DPYD: variants seen among roughly 807,000 people sequenced by gnomAD.
DPYD encodes the protein dihydropyrimidine dehydrogenase [NADP(+)].
A neutral mutation model predicts 116.2 loss-of-function variants in DPYD; 109 were observed. That is an observed-to-expected ratio of 0.94 (90% CI 0.80 to 1.10). DPYD has a LOEUF of 1.10. Ranked by LOEUF, DPYD falls within the 50% of genes least tolerant of loss-of-function variation. DPYD has a pLI of 0.00. For synonymous variants in DPYD, 440 were observed against 432.0 expected, an observed-to-expected ratio of 1.02 and a Z score of -0.23; for missense variants, 1,302 against 1,254.5, an observed-to-expected ratio of 1.04 and a Z score of -0.57.
At chr1:97,697,544 G>A (rs1184123413) in intron 6 of DPYD, among the ~76,000 whole-genome samples, 1 of 151,770 alleles carries the variant, frequency 6.6e-6, no homozygotes, top group Non-Finnish European at 1.5e-5. Flanking sequence ...CTGTACCATG[G>A]GACAGTACAA....
intron 19 of DPYD, among the ~76,000 whole-genome samples, chr1:97,214,001 A>G (rs557274988): frequency 1.2e-4 from 19 of 152,254 alleles, no homozygotes; most frequent in South Asian, 1.2e-3. Flanking sequence ...GATGTTTTGC[A>G]TGCATGCTTG....
chr1:97,905,043 T>G (rs1361772915), intron 1 of DPYD, among the ~76,000 whole-genome samples: 1 of 152,032 alleles, frequency 6.6e-6, no homozygotes, highest in African/African-American at 2.4e-5. Context: ...AAGCCCAATA[T>G]ATGTTTTTAT....
intron 15 of DPYD, 59 bp downstream of exon 15, chr1:97,382,334 A>G (rs188777306): frequency 1.9e-6 from 2 of 1,056,790 alleles, no homozygotes; most frequent in Non-Finnish European, 2.7e-6. Flanking sequence ...CTCTTTATTT[A>G]AAACTAATAA....
At chr1:97,339,553 C>A (rs780376454) in intron 16 of DPYD, among the ~76,000 whole-genome samples, 8 of 152,116 alleles carry the variant, frequency 5.3e-5, no homozygotes, top group Non-Finnish European at 1.2e-4. Flanking sequence ...AAAAAAGGCA[C>A]AATGGTTTTC....
At chr1:97,296,599 GATAAAGT>G (rs1310920604) in intron 18 of DPYD, among the ~76,000 whole-genome samples, 3 of 151,892 alleles carry the variant, frequency 2.0e-5, no homozygotes, top group African/African-American at 7.2e-5. Flanking sequence ...ATGCTGTTTT[GATAAAGT>G]ATAAATTATA....
intron 19 of DPYD, among the ~76,000 whole-genome samples, chr1:97,215,398 T>C (rs1477846361): frequency 2.0e-5 from 3 of 152,192 alleles, no homozygotes; most frequent in South Asian, 2.1e-4. Context: ...ACCTGTCCAG[T>C]AGCTTCTGGA....
intron 20 of DPYD, among the ~76,000 whole-genome samples, chr1:97,162,370 C>A (rs1056943783): frequency 7.9e-5 from 12 of 152,218 alleles, no homozygotes; most frequent in African/African-American, 2.4e-4. Flanking sequence ...TGAGTGAACT[C>A]CCATTCACAA....
intron 18 of DPYD, among the ~76,000 whole-genome samples, chr1:97,244,089 C>T (rs1382266128): frequency 6.6e-6 from 1 of 151,914 alleles, no homozygotes; most frequent in African/African-American, 2.4e-5. Context: ...AAATATATGG[C>T]ATTTACTAGG....
chr1:97,306,169 G>A lies in DPYD; in HGVS notation c.2179+8C>T, dbSNP rs1233390941. 8 of 1,612,082 alleles carry A rather than the reference G, an allele frequency of 5.0e-6. No individual in the cohort carries two copies. The highest frequency in any genetic ancestry group is 5.9e-6 in the Non-Finnish European group (7 of 1,178,696). On this transcript the variant is annotated splice_region_variant and intron_variant, in intron 17 of 22. Transcript: ENST00000370192. ...ATAGCGGGCAACTGATTCAAGTCAA[G>A]TTCTTACCTTCCTTTGCAGCTCTTG...
intron 18 of DPYD, among the ~76,000 whole-genome samples, chr1:97,288,919 A>C (rs1665931004): frequency 1.3e-5 from 2 of 152,134 alleles, no homozygotes; most frequent in Admixed American, 1.3e-4. Flanking sequence ...GAAAGGATCA[A>C]CAAAATTGAT....
At chr1:97,289,303 T>C (rs931503264) in intron 18 of DPYD, among the ~76,000 whole-genome samples, 20 of 151,432 alleles carry the variant, frequency 1.3e-4, no homozygotes, top group Non-Finnish European at 2.4e-4. Context: ...TTCCAATCAA[T>C]AGAAAAAGAG....
chr1:97,773,426 G>A (rs191836924), intron 3 of DPYD, among the ~76,000 whole-genome samples: 7 of 152,242 alleles, frequency 4.6e-5, no homozygotes, highest in East Asian at 3.9e-4. Flanking sequence ...CATTGTCCCC[G>A]GTGAGGGTTC....
chr1:97,286,426 T>C (rs1010386258), intron 18 of DPYD, among the ~76,000 whole-genome samples: 4 of 152,176 alleles, frequency 2.6e-5, no homozygotes, highest in African/African-American at 9.7e-5. Context: ...AGGAGTATCT[T>C]TGTGGCGTTC....
At chr1:97,172,520 T>A (rs1656802578) in intron 20 of DPYD, among the ~76,000 whole-genome samples, 1 of 152,234 alleles carries the variant, frequency 6.6e-6, no homozygotes, top group Non-Finnish European at 1.5e-5. Flanking sequence ...CACTTAGATA[T>A]CTCTGCCTTC....
At chr1:97,748,367 G>A (rs566039739) in intron 3 of DPYD, among the ~76,000 whole-genome samples, 2 of 152,252 alleles carry the variant, frequency 1.3e-5, no homozygotes, top group South Asian at 2.1e-4. Flanking sequence ...CTAGCACTGT[G>A]GGAGGCCACG....
chr1:97,274,091 CT>C (rs1226284768), intron 18 of DPYD, among the ~76,000 whole-genome samples: 5 of 152,098 alleles, frequency 3.3e-5, no homozygotes, highest in Non-Finnish European at 7.4e-5. Context: ...GCAATATTTA[CT>C]TTAGCAGCTT....
intron 13 of DPYD, among the ~76,000 whole-genome samples, chr1:97,494,332 G>A (rs773768458): frequency 1.3e-5 from 2 of 152,048 alleles, no homozygotes; most frequent in Non-Finnish European, 2.9e-5. Flanking sequence ...AATTAGCTGG[G>A]ACTACAGGCA....
intron 1 of DPYD, among the ~76,000 whole-genome samples, chr1:97,892,916 A>C (rs541688448): frequency 6.6e-6 from 1 of 151,910 alleles, no homozygotes; most frequent in Non-Finnish European, 1.5e-5. Flanking sequence ...TAGCTCTACT[A>C]TTCTTGTTGG....
chr1:97,549,217 C>T (rs1651132066), intron 12 of DPYD, among the ~76,000 whole-genome samples: 1 of 152,052 alleles, frequency 6.6e-6, no homozygotes, highest in Non-Finnish European at 1.5e-5. Context: ...CAGGCGTGTG[C>T]CACCATGCCC....
Sources: gnomAD v4.1 joint callset for allele counts (sites outside exome capture counted in the v4.1 genomes callset) on GRCh38, gnomAD v4.1.1 for gene constraint, MANE v1.5 for transcripts, NCBI Gene and HGNC (gene_info 2026-07-23, HGNC 2026-07-21) for gene names.